Variants in EYS observed in about 807,000 individuals in gnomAD.
The protein encoded by EYS is protein eyes shut homolog.
Under a neutral mutation model 282.1 loss-of-function variants are expected in EYS, and 250 were observed. The ratio of observed to expected loss-of-function variants is 0.89; its 90% CI spans 0.80 to 0.98. The LOEUF (loss-of-function observed/expected upper bound fraction) is 0.98. Among genes scored for constraint, EYS ranks in the 50% least tolerant of loss-of-function variants. EYS has a pLI of 0.00. For synonymous variants in EYS, 1,355 were observed against 1,282.9 expected (o/e 1.06, Z -1.20); for missense variants, 4,016 against 3,709.0 (o/e 1.08, Z -2.15).
At chr6:64,939,667 T>TACACAC (rs148797350) in intron 15 of EYS, among the ~76,000 whole-genome samples, 2,322 of 149,578 alleles carry the variant, frequency 0.016, 58 homozygotes, top group African/African-American at 0.054. Context: ...ATGTATTTCA[T>TACACAC]ACACACACAC....
intron 26 of EYS, among the ~76,000 whole-genome samples, chr6:64,479,929 T>C (rs967304848): frequency 1.3e-5 from 2 of 151,860 alleles, no homozygotes; most frequent in Non-Finnish European, 2.9e-5. Context: ...ACAATAAAAA[T>C]AGAGCAAGTC....
intron 16 of EYS, among the ~76,000 whole-genome samples, chr6:64,908,511 A>G (rs1367481434): frequency 6.6e-6 from 1 of 151,916 alleles, no homozygotes; most frequent in Non-Finnish European, 1.5e-5. Flanking sequence ...ACCCACACTC[A>G]GTGGGTCCCA....
chr6:64,252,935 T>C (rs1767270235), intron 30 of EYS, among the ~76,000 whole-genome samples: 1 of 152,170 alleles, frequency 6.6e-6, no homozygotes. Flanking sequence ...GTGCCCAATA[T>C]ATTCCCTTTA....
At chr6:65,656,627 C>A (rs1291667114) in intron 1 of EYS, among the ~76,000 whole-genome samples, 1 of 151,780 alleles carries the variant, frequency 6.6e-6, no homozygotes, top group East Asian at 1.9e-4. Flanking sequence ...ACCTCAGATG[C>A]TGGAAAAGAA....
intron 31 of EYS, among the ~76,000 whole-genome samples, chr6:64,118,536 C>A (rs1482146990): frequency 6.6e-6 from 1 of 151,944 alleles, no homozygotes; most frequent in Non-Finnish European, 1.5e-5. Flanking sequence ...CAAAACTGAA[C>A]TCAAAATGGA....
In EYS at chr6:65,118,356, C is replaced by G. The variant is rs369376517; in HGVS notation, c.2024-60629G>C. Among the ~76,000 whole-genome samples the G allele has an allele frequency of 2.5e-4, 38 of 152,156 alleles. 1 individual carries two copies. Among genetic ancestry groups the G allele is most frequent in the African/African-American group, 9.2e-4 (38 of 41,438 alleles). The stretch of plus-strand genomic sequence containing the variant: ...TGCATCCGAATTATGAACTACTATC[C>G]AAATACATTTAAAATATTCTGGTGT... On this transcript the variant is annotated intron_variant, in intron 12 of 42. Transcript: ENST00000503581.
At chr6:64,577,001 G>A (rs985832330) in intron 26 of EYS, among the ~76,000 whole-genome samples, 7 of 152,056 alleles carry the variant, frequency 4.6e-5, no homozygotes, top group Admixed American at 6.6e-5. Flanking sequence ...GAAGACACAC[G>A]GGGAGAATAC....
intron 2 of EYS, among the ~76,000 whole-genome samples, chr6:65,566,773 A>G (rs528007293): frequency 3.9e-5 from 6 of 152,198 alleles, no homozygotes; most frequent in Non-Finnish European, 8.8e-5. Context: ...CAATGAATTC[A>G]GAGTTTCCTT....
chr6:64,125,132 AAC>A (rs150010184), intron 31 of EYS, among the ~76,000 whole-genome samples: 21 of 145,582 alleles, frequency 1.4e-4, no homozygotes, highest in African/African-American at 5.1e-4. Flanking sequence ...GATGATGTCA[AAC>A]ACACACACAC....
At chr6:64,423,819 A>G (rs1245819358) in intron 28 of EYS, among the ~76,000 whole-genome samples, 1 of 152,158 alleles carries the variant, frequency 6.6e-6, no homozygotes, top group Non-Finnish European at 1.5e-5. Context: ...GGGGAAAAAA[A>G]AATTCTTTAG....
At chr6:64,892,413 TA>T (rs1767318872) in intron 18 of EYS, among the ~76,000 whole-genome samples, 1 of 151,992 alleles carries the variant, frequency 6.6e-6, no homozygotes. Flanking sequence ...TTTCAGTAGA[TA>T]TTTTTTAAAA....
At chr6:64,272,920 T>A (rs6454759) in intron 30 of EYS, among the ~76,000 whole-genome samples, 103,735 of 151,454 alleles carry the variant, frequency 0.68, 35,538 homozygotes, top group South Asian at 0.71. Context: ...TATGTAGAAA[T>A]GCAATTTGTT....
chr6:63,798,989 A>ATG (rs1770714432), intron 37 of EYS, among the ~76,000 whole-genome samples: 1 of 105,554 alleles, frequency 9.5e-6, no homozygotes. Flanking sequence ...ATATGTGTGT[A>ATG]TATATATATA....
chr6:63,735,412 G>T (rs1768884618), intron 41 of EYS, among the ~76,000 whole-genome samples: 1 of 151,690 alleles, frequency 6.6e-6, no homozygotes, highest in South Asian at 2.1e-4. Context: ...CTCTCCAATT[G>T]TTCCTATTTT....
chr6:65,264,568 G>A (rs1767703002), intron 12 of EYS, among the ~76,000 whole-genome samples: 1 of 151,938 alleles, frequency 6.6e-6, no homozygotes, highest in African/African-American at 2.4e-5. Flanking sequence ...TTTATTTTGA[G>A]AAGACTGTTT....
At chr6:64,960,833 A>G (rs1040075217) in intron 14 of EYS, among the ~76,000 whole-genome samples, 14 of 152,000 alleles carry the variant, frequency 9.2e-5, no homozygotes, top group African/African-American at 3.1e-4. Flanking sequence ...ATGGTCCCCA[A>G]TGTGTGTTGT....
At chr6:65,448,594 G>A (rs1764279960) in intron 5 of EYS, among the ~76,000 whole-genome samples, 1 of 151,850 alleles carries the variant, frequency 6.6e-6, no homozygotes, top group African/African-American at 2.4e-5. Flanking sequence ...AAACACAATA[G>A]GATATTTTGT....
At chr6:64,072,045 A>C (rs1354572933) in intron 32 of EYS, among the ~76,000 whole-genome samples, 1 of 151,954 alleles carries the variant, frequency 6.6e-6, no homozygotes, top group Non-Finnish European at 1.5e-5. Context: ...GCTGCGCTTC[A>C]AGCTATAGAA....
At position 64,508,283 on chromosome 6, in the gene EYS, G is replaced by A. The variant is rs114712202; in HGVS notation, c.5645-68931C>T. On this transcript the variant is annotated intron_variant, in intron 26 of 42. Coordinates refer to ENST00000503581, the MANE Select transcript of EYS (RefSeq NM_001142800.2). The stretch of plus-strand genomic sequence containing the variant: ...TCAGTTATTCTGTGTTGATCAAAAC[G>A]GGGAAATAATGTCCGTTTAAAGCTA... Among the ~76,000 whole-genome samples, 672 of 151,244 alleles carry A rather than the reference G, an allele frequency of 4.4e-3. 4 individuals are homozygous for A. The highest frequency in any genetic ancestry group is 0.016 in the African/African-American group (639 of 41,042).
Sources: allele counts gnomAD v4.1 joint callset (sites outside exome capture counted in the v4.1 genomes callset), GRCh38; gene constraint gnomAD v4.1.1; transcripts MANE v1.5; gene names NCBI Gene and HGNC (gene_info 2026-07-23, HGNC 2026-07-21).